LRCH1: variants seen among roughly 807,000 people sequenced by gnomAD.
LRCH1 encodes leucine-rich repeat and calponin homology domain-containing protein 1.
A neutral mutation model predicts 94.9 loss-of-function variants in LRCH1; 23 were observed. That is an observed-to-expected ratio of 0.24 (90% CI 0.17 to 0.34). The LOEUF is 0.34. Among genes scored for constraint, LRCH1 ranks in the 10% least tolerant of loss-of-function variants. The pLI is 1.00. For synonymous variants in LRCH1, 364 were observed against 354.9 expected (o/e 1.03, Z -0.29); for missense variants, 790 against 945.9 (o/e 0.84, Z 2.16).
At chr13:46,586,231 A>T (rs2050434007) in intron 1 of LRCH1, among the ~76,000 whole-genome samples, 1 of 152,242 alleles carries the variant, frequency 6.6e-6, no homozygotes, top group Non-Finnish European at 1.5e-5. Flanking sequence ...AGGCAGGGGA[A>T]AGATCAGGGG....
intron 1 of LRCH1, among the ~76,000 whole-genome samples, chr13:46,621,754 G>T (rs1182171647): frequency 1.3e-5 from 2 of 152,176 alleles, no homozygotes; most frequent in Non-Finnish European, 2.9e-5. Flanking sequence ...TATAATAAGA[G>T]AGTTAGTAGC....
chr13:46,728,084 T>A (rs1872915944), intron 17 of LRCH1, among the ~76,000 whole-genome samples: 1 of 151,924 alleles, frequency 6.6e-6, no homozygotes, highest in South Asian at 2.1e-4. Flanking sequence ...GCCCAGCTAA[T>A]TTTTTGTATT....
chr13:46,700,969 C>G (rs981856738), intron 10 of LRCH1, 152 bp from the exon 11 acceptor site: 11 of 592,060 alleles, frequency 1.9e-5, no homozygotes, highest in Non-Finnish European at 2.7e-5. Flanking sequence ...TCCCACCCCA[C>G]AAGGTACAAA....
chr13:46,628,865 T>C (rs1415362404), intron 1 of LRCH1, among the ~76,000 whole-genome samples: 2 of 152,192 alleles, frequency 1.3e-5, no homozygotes, highest in African/African-American at 4.8e-5. Context: ...GTCATCAATC[T>C]GCTATGACCA....
intron 13 of LRCH1, among the ~76,000 whole-genome samples, chr13:46,711,552 G>A (rs842386): frequency 0.97 from 148,164 of 152,328 alleles, 72,069 homozygotes; most frequent in East Asian, 1. Context: ...GCTCTGGGAA[G>A]TTCTTTATCT....
chr13:46,709,948 CCTTA>C (rs1423011436), intron 13 of LRCH1, among the ~76,000 whole-genome samples: 2 of 152,142 alleles, frequency 1.3e-5, no homozygotes, highest in African/African-American at 4.8e-5. Context: ...AAAATATGAT[CCTTA>C]CTTATGATTT....
chr13:46,560,047 T>A (rs2050112511), intron 1 of LRCH1, among the ~76,000 whole-genome samples: 1 of 151,132 alleles, frequency 6.6e-6, no homozygotes, highest in African/African-American at 2.4e-5. Context: ...CTGGTATATG[T>A]ACATAGACTT....
At chr13:46,748,558 C>T (rs140026574), downstream of LRCH1, among the ~76,000 whole-genome samples, 493 of 152,278 alleles carry the variant, frequency 3.2e-3, 1 homozygote, top group Non-Finnish European at 5.5e-3. Context: ...GCCGGGGAGG[C>T]TGGACACTGT....
At chr13:46,560,767 G>T (rs941569718) in intron 1 of LRCH1, among the ~76,000 whole-genome samples, 3 of 152,218 alleles carry the variant, frequency 2.0e-5, no homozygotes, top group Non-Finnish European at 4.4e-5. Flanking sequence ...CAGACTTAAT[G>T]TAGGAAAACT....
intron 4 of LRCH1, among the ~76,000 whole-genome samples, chr13:46,684,777 T>C (rs895777602): frequency 6.6e-6 from 1 of 152,086 alleles, no homozygotes; most frequent in Non-Finnish European, 1.5e-5. Flanking sequence ...ACAAGCTGGG[T>C]TGAGCAATGA....
chr13:46,691,829 A>G lies in LRCH1; in HGVS notation c.1015-707A>G, dbSNP rs78025351. Among the ~76,000 whole-genome samples the G allele has an allele frequency of 1.8e-3, 272 of 152,310 alleles. 5 individuals are homozygous for G. The East Asian group carries it at 0.043, about 24-fold the overall frequency. On this transcript the variant is annotated intron_variant, in intron 7 of 19. Transcript: ENST00000389797. ...CTCAGCCTCCCTTATAGCTAGGACT[A>G]TAGGTGTGTGCCACCACGCCCAGCT...
intron 11 of LRCH1, among the ~76,000 whole-genome samples, chr13:46,704,508 T>G (rs1034408875): frequency 8.5e-5 from 13 of 152,104 alleles, no homozygotes; most frequent in Admixed American, 6.5e-4. Context: ...TAAGATGACT[T>G]TGTAAATTTT....
intron 9 of LRCH1, 66 bp from the exon 10 acceptor site, chr13:46,699,270 C>A: frequency 8.3e-7 from 1 of 1,209,416 alleles, no homozygotes; most frequent in Non-Finnish European, 1.2e-6. Flanking sequence ...ATGGGCTGGG[C>A]AGGTTTTGGC....
chr13:46,607,123 G>A (rs973183438), intron 1 of LRCH1, among the ~76,000 whole-genome samples: 1 of 152,210 alleles, frequency 6.6e-6, no homozygotes, highest in Non-Finnish European at 1.5e-5. Context: ...CAGGGGAAAT[G>A]TGGGCTGGGT....
Position 46,728,941 on chromosome 13 carries a change from G to A in LRCH1, c.1964G>A (p.Arg655His), listed in dbSNP as rs1209521446. 1.2e-5 allele frequency: 19 copies of A among 1,613,450 alleles called. No individual in the cohort carries two copies. The highest frequency in any genetic ancestry group is 1.7e-4 in the Middle Eastern group (1 of 6,058). ...VVLCHLVNHI[R>H]PRSVASIHVP... is the part of the protein sequence containing the mutation. ...CTCTGCCATCTGGTCAACCACATCC[G>A]CCCACGGTCGGTTGCAAGCATCCAT... The change falls in exon 18 of 20, where the codon CGC becomes CAC. Residue 655 changes from arginine to histidine, a missense_variant. By Grantham distance (29) the Arg-to-His change is conservative. This residue lies in a region of LRCH1 where 460 missense variants were observed against 508.9 expected (regional missense o/e 0.90). Transcript: ENST00000389797.
In LRCH1 at chr13:46,553,592, G is replaced by C; in HGVS notation, c.196G>C (p.Ala66Pro). Residue 66 changes from alanine (A) to proline (P), a missense_variant, in exon 1 of 20, where the codon GCG becomes CCG. Coordinates refer to ENST00000389797, the MANE Select transcript of LRCH1 (RefSeq NM_001164211.2). ...NLPLNRGLER[A>P]LEEAANSGGL... is the part of the protein sequence containing the mutation. ...GCCCTTGAACCGGGGTCTGGAGCGC[G>C]CGCTTGAGGAGGCGGCCAACTCCGG... 1 of 1,557,500 alleles carries C rather than the reference G, an allele frequency of 6.4e-7. No individual in the cohort carries two copies.
intron 19 of LRCH1, 66 bp from the exon 20 acceptor site, chr13:46,741,576 G>C: frequency 6.3e-7 from 1 of 1,598,588 alleles, no homozygotes; most frequent in East Asian, 2.2e-5. Context: ...CTTTCTAGCT[G>C]TTCCTCCGTG....
chr13:46,650,700 G>GGTT (rs1302137748), intron 2 of LRCH1, among the ~76,000 whole-genome samples: 1 of 142,048 alleles, frequency 7.0e-6, no homozygotes, highest in Non-Finnish European at 1.5e-5. Flanking sequence ...AAAAGAGTTT[G>GGTT]GTTGTCAGGA....
At chr13:46,620,992 T>A (rs1483530844) in intron 1 of LRCH1, among the ~76,000 whole-genome samples, 1 of 152,210 alleles carries the variant, frequency 6.6e-6, no homozygotes, top group Non-Finnish European at 1.5e-5. Flanking sequence ...GGACTGGGCC[T>A]TAGTCCTTTT....
Sources: allele counts gnomAD v4.1 joint callset (sites outside exome capture counted in the v4.1 genomes callset), GRCh38; gene constraint gnomAD v4.1.1; regional missense constraint gnomAD v4.1.1; transcripts MANE v1.5; gene names NCBI Gene and HGNC (gene_info 2026-07-23, HGNC 2026-07-21).